HHATL: variants seen among roughly 807,000 people sequenced by gnomAD.
The protein encoded by HHATL is hedgehog acyltransferase like, also known as protein-cysteine N-palmitoyltransferase HHAT-like protein.
In HHATL, 49 loss-of-function variants were observed where a neutral mutation model predicts 59.7. The observed-to-expected ratio is 0.82, with a 90% CI of 0.65 to 1.04. The LOEUF is 1.04. Ranked by LOEUF, HHATL falls within the 50% of genes least tolerant of loss-of-function variation. The probability of loss-of-function intolerance (pLI) is 0.00; values close to 1 mark genes in which losing one functional copy is unlikely to be tolerated. For missense variants in HHATL, 605 were observed against 650.8 expected (o/e 0.93, Z 0.77); for synonymous variants, 238 against 257.3 (o/e 0.93, Z 0.72).
Position 42,700,745 on chromosome 3 carries a change from G to C in HHATL, c.82C>G (p.Arg28Gly). Residue 28 changes from arginine (R) to glycine (G), a missense_variant, in exon 2 of 12, where the codon CGG becomes GGG. Coordinates refer to ENST00000441594, the MANE Select transcript of HHATL (RefSeq NM_020707.4). ...CCTTGTGAAGCCTCAAGGAGGCCCC[G>C]GCCAGCATAGGCCAGGGCCCCACTC... ...VLSGALAYAG[R>G]GLLEASQDGA... The C allele has an allele frequency of 6.2e-7, 1 of 1,613,552 alleles. No individual in the cohort carries two copies.
At chr3:42,696,934 G>GGGGGAAGAGGCTA (rs1697639089) in intron 8 of HHATL, 57 bp from the exon 9 acceptor site, 4 of 1,613,888 alleles carry the variant, frequency 2.5e-6, no homozygotes, top group Admixed American at 3.3e-5. Flanking sequence ...CCCCAGGCAT[G>GGGGGAAGAGGCTA]GGGGAAGAGG....
intron 4 of HHATL, 42 bp from the exon 5 acceptor site, chr3:42,698,944 G>A (rs922647902): frequency 1.2e-6 from 2 of 1,606,250 alleles, no homozygotes; most frequent in South Asian, 1.1e-5. Context: ...ATATAAATGG[G>A]GGCGTGACCC....
rs1246121182 is a variant in HHATL at position 42,693,808 on chromosome 3, T to C, written c.1057A>G (p.Asn353Asp). Residue 353 changes from asparagine (N) to aspartate (D), a missense_variant, in exon 10 of 12, where the codon AAC becomes GAC. Transcript: ENST00000441594. ...GCGGAATGCTCCCCACCAATGTGGT[T>C]ATACACATATCTGCAGGAAAGATGG... ...INDWLCKYVY[N>D]HIGGEHSAVI... is the part of the protein sequence containing the mutation. 3 of 1,613,636 alleles carry C rather than the reference T, an allele frequency of 1.9e-6. No homozygotes were observed. Among genetic ancestry groups the C allele is most frequent in the East Asian group, 4.5e-5 (2 of 44,884 alleles).
chr3:42,701,426 A>G lies in HHATL; in HGVS notation c.-13-587T>C, dbSNP rs144397669. ...CCTGTCACTGACCCCCATTCCCCCA[A>G]CAAGTCCCTGAGCTCCAGCCTGTCA... On this transcript the variant is annotated intron_variant, in intron 1 of 11. Transcript: ENST00000441594. The surrounding 1 kb of genome is among the most constrained non-coding windows in gnomAD (Gnocchi z 5.1). 1.1e-3 allele frequency: 173 copies of G among 153,898 alleles called. No homozygotes were observed. The highest frequency in any genetic ancestry group is 1.9e-3 in the Non-Finnish European group (130 of 69,414). 9.5% of individuals were successfully genotyped at this position (153,898 alleles called of 1,614,324 possible).
At chr3:42,702,278 T>C (rs1698033606) in intron 1 of HHATL, among the ~76,000 whole-genome samples, 1 of 152,200 alleles carries the variant, frequency 6.6e-6, no homozygotes, top group South Asian at 2.1e-4. Flanking sequence ...GCCCGTGAAA[T>C]AGCTTTGTCA....
In HHATL at chr3:42,697,024, G is replaced by A. The variant is rs374306858; in HGVS notation, c.987C>T (p.Thr329=). 1.6e-5 allele frequency: 26 copies of A among 1,602,658 alleles called. No individual in the cohort carries two copies. In the East Asian group the frequency reaches 2.2e-4, roughly 14 times the overall value. The change falls in exon 8 of 12, where the codon ACC becomes ACT. Residue 329 remains threonine (T), a synonymous_variant. Transcript: ENST00000441594. ...LDPPQPPKCI[T]ALYVFAETHF... is the part of the protein sequence containing the mutation. ...ACGTTTCCGCAAAGACGTAGAGTGC[G>A]GTGATGCACTTGGGAGGCTGGGGTG...
At chr3:42,694,433 G>T (rs963596301) in intron 9 of HHATL, among the ~76,000 whole-genome samples, 2 of 152,176 alleles carry the variant, frequency 1.3e-5, no homozygotes, top group Non-Finnish European at 2.9e-5. Flanking sequence ...TCTTGTTTCT[G>T]CTTTTGCCCC....
intron 10 of HHATL, 35 bp downstream of exon 10, chr3:42,693,582 C>T (rs1268406784): frequency 1.3e-6 from 2 of 1,591,720 alleles, no homozygotes; most frequent in Admixed American, 3.4e-5. Context: ...CCTCTATGAC[C>T]CAGCCAGTCC....
intron 9 of HHATL, among the ~76,000 whole-genome samples, chr3:42,696,480 T>G (rs1265625597): frequency 6.6e-6 from 1 of 152,132 alleles, no homozygotes; most frequent in African/African-American, 2.4e-5. Flanking sequence ...TCTCCTAGAT[T>G]GCGACTATAC....
Position 42,697,123 on chromosome 3 carries a change from C to A in HHATL, c.888G>T (p.Leu296=). The part of the protein sequence containing the change: ...SALAGLAYSN[L]VYDWVKAAVL... Reference sequence around the variant, plus strand: ...CGGCCGCCTTCACCCAGTCATACACCAGGTTTGAATAGGCTAGGCCAGCTG... The same window carrying A: ...CGGCCGCCTTCACCCAGTCATACACAAGGTTTGAATAGGCTAGGCCAGCTG... The change falls in exon 8 of 12, where the codon CTG becomes CTT. Residue 296 remains leucine, a synonymous_variant. Coordinates refer to ENST00000441594, the MANE Select transcript of HHATL (RefSeq NM_020707.4). 1 of 1,547,288 alleles carries A rather than the reference C, an allele frequency of 6.5e-7. No individual in the cohort carries two copies.
chr3:42,696,629 C>T (rs1697622286), intron 9 of HHATL, among the ~76,000 whole-genome samples: 1 of 152,176 alleles, frequency 6.6e-6, no homozygotes, highest in Non-Finnish European at 1.5e-5. Context: ...GACTGTGTGA[C>T]CCTCCTCCCA....
In HHATL at chr3:42,696,906, G is replaced by C. The variant is rs1294639851; in HGVS notation, c.1011-29C>G. ...TAAGAGGAAAGCAGATGGGCATGTT[G>C]CCATCAGGCGCAGAGCTCCCCAGGC... On this transcript the variant is annotated intron_variant, in intron 8 of 11. Transcript: ENST00000441594. 5 of 1,614,134 alleles carry C rather than the reference G, an allele frequency of 3.1e-6. No individual in the cohort carries two copies. In the South Asian group the frequency reaches 5.5e-5, roughly 18 times the overall value.
Position 42,696,833 on chromosome 3 carries a change from C to T in HHATL, c.1046+9G>A. On this transcript the variant is annotated intron_variant, in intron 9 of 11. Coordinates refer to ENST00000441594, the MANE Select transcript of HHATL (RefSeq NM_020707.4). ...TGGCTGTGACCACCCCCACCCCACT[C>T]CTACTCACTTGCAAAGCCAGTCGTT... 6.2e-7 allele frequency: 1 copy of T among 1,613,898 alleles called. No individual in the cohort carries two copies. The highest frequency in any genetic ancestry group is 1.1e-5 in the South Asian group (1 of 90,996).
At chr3:42,693,394 G>A in intron 10 of HHATL, 176 bp from the exon 11 acceptor site, 3 of 866,148 alleles carry the variant, frequency 3.5e-6, no homozygotes, top group Admixed American at 5.5e-5. Flanking sequence ...TCCAGAGAGA[G>A]GACAAGGCCT....
At chr3:42,693,470 G>T in intron 10 of HHATL, 147 bp downstream of exon 10, 1 of 803,174 alleles carries the variant, frequency 1.2e-6, no homozygotes, top group Non-Finnish European at 2.0e-6. Flanking sequence ...GATTCCTACA[G>T]AGTGAGCCAT....
chr3:42,701,712 G>A lies in HHATL; in HGVS notation c.-14+867C>T, dbSNP rs893556572. On this transcript the variant is annotated intron_variant, in intron 1 of 11. Coordinates refer to ENST00000441594, the MANE Select transcript of HHATL (RefSeq NM_020707.4). This position sits in a 1 kb window ranked among gnomAD's most constrained non-coding sequence, Gnocchi z 5.1. ...TTGTCCCCTGGAGAACTGCTGGGCC[G>A]TACTACGGCTCAGCTAGCACCTTTA... 1.3e-5 allele frequency among the ~76,000 whole-genome samples: 2 copies of A among 152,228 alleles called. No individual in the cohort carries two copies. Among genetic ancestry groups the A allele is most frequent in the Admixed American group, 6.5e-5 (1 of 15,288 alleles).
chr3:42,694,046 A>C, intron 9 of HHATL: 78 of 569,526 alleles, frequency 1.4e-4, no homozygotes, highest in East Asian at 4.1e-4. Context: ...AAATGATCTC[A>C]TCCAGACCCA....
chr3:42,694,503 A>G (rs1697514506), intron 9 of HHATL, among the ~76,000 whole-genome samples: 1 of 152,248 alleles, frequency 6.6e-6, no homozygotes, highest in Admixed American at 6.5e-5. Context: ...CTCAGGTCAC[A>G]TCACTTCCAT....
Position 42,693,154 on chromosome 3 carries a change from G to A in HHATL, c.1313C>T (p.Ala438Val). Reference sequence around the variant, plus strand: ...GCTCACAAGGTTGTACATGATGATGGCCCAGAAGTTCATGGCTCCAAACAG... The same window carrying A: ...GCTCACAAGGTTGTACATGATGATGACCCAGAAGTTCATGGCTCCAAACAG... ...RALFGAMNFW[A>V]IIMYNLVSLN... is the part of the protein sequence containing the mutation. The change falls in exon 11 of 12, where the codon GCC becomes GTC. Residue 438 changes from alanine (A) to valine (V), a missense_variant. Transcript: ENST00000441594. 1 of 1,614,148 alleles carries A rather than the reference G, an allele frequency of 6.2e-7. No homozygotes were observed. The highest frequency in any genetic ancestry group is 2.2e-5 in the East Asian group (1 of 44,886).
Sources: allele counts gnomAD v4.1 joint callset (sites outside exome capture counted in the v4.1 genomes callset), GRCh38; gene constraint gnomAD v4.1.1; non-coding constraint Gnocchi (gnomAD v3.1); transcripts MANE v1.5; gene names NCBI Gene and HGNC (gene_info 2026-07-23, HGNC 2026-07-21).